The following GPCPD1 variants were observed in gnomAD, a reference collection of about 807,000 sequenced individuals.
The protein encoded by GPCPD1 is glycerophosphocholine phosphodiesterase 1, also known as glycerophosphocholine phosphodiesterase GPCPD1.
GPCPD1 carries 29 observed loss-of-function variants against 89.2 expected under a neutral mutation model. The observed-to-expected ratio is 0.33, with a 90% confidence interval of 0.24 to 0.44. The LOEUF (loss-of-function observed/expected upper bound fraction) is 0.44, where lower values mean the gene tolerates loss of function less well. Ranked by LOEUF, GPCPD1 falls within the 20% of genes least tolerant of loss-of-function variation. GPCPD1 has a pLI of 1.00. For missense variants in GPCPD1, 594 were observed against 808.9 expected (o/e 0.73, Z 3.22); for synonymous variants, 258 against 266.3 (o/e 0.97, Z 0.30).
chr20:5,590,127 C>G (rs991202884), intron 4 of GPCPD1, among the ~76,000 whole-genome samples: 9 of 152,104 alleles, frequency 5.9e-5, no homozygotes, highest in African/African-American at 2.2e-4. Flanking sequence ...AACAAATCAC[C>G]AAGCAAAATT....
At chr20:5,574,201 C>T in intron 10 of GPCPD1, 2 of 531,690 alleles carry the variant, frequency 3.8e-6, no homozygotes, top group Non-Finnish European at 6.7e-6. Flanking sequence ...GCCAACACAA[C>T]ATGCACTTGC....
intron 19 of GPCPD1, chr20:5,549,495 G>T: frequency 8.5e-7 from 1 of 1,174,908 alleles, no homozygotes; most frequent in Non-Finnish European, 1.2e-6. Flanking sequence ...GACACCTTCT[G>T]AGTATTCTTC....
intron 15 of GPCPD1, among the ~76,000 whole-genome samples, chr20:5,564,611 T>TTTG (rs1986276540): frequency 6.6e-6 from 1 of 152,122 alleles, no homozygotes; most frequent in Admixed American, 6.6e-5. Flanking sequence ...GGGGACAGCG[T>TTTG]AAGTCCAGAG....
At chr20:5,576,591 AT>A (rs1978289573) in intron 8 of GPCPD1, among the ~76,000 whole-genome samples, 1 of 152,162 alleles carries the variant, frequency 6.6e-6, no homozygotes, top group Non-Finnish European at 1.5e-5. Flanking sequence ...ATTTTAAAAT[AT>A]ATATTTTTTT....
At chr20:5,548,601 C>T (rs1292898805) in intron 19 of GPCPD1, among the ~76,000 whole-genome samples, 1 of 152,198 alleles carries the variant, frequency 6.6e-6, no homozygotes, top group Non-Finnish European at 1.5e-5. Context: ...ACAGAAGCAT[C>T]TAACTTCGTT....
At position 5,586,234 on chromosome 20, in the gene GPCPD1, C is replaced by T; in HGVS notation, c.267G>A (p.Lys89=). Residue 89 remains lysine (K), a synonymous_variant, in exon 5 of 20, where the codon AAG becomes AAA. Coordinates refer to ENST00000379019, the MANE Select transcript of GPCPD1 (RefSeq NM_019593.5). The part of the protein sequence containing the change: ...IGGPCQVIVH[K]WETHLQPRSI... Reference sequence around the variant, plus strand: ...ATCGTGGTTGTAGATGAGTCTCCCACTTGTGAACTATCACTTGACATGGAC... The same window carrying T: ...ATCGTGGTTGTAGATGAGTCTCCCATTTGTGAACTATCACTTGACATGGAC... The T allele has an allele frequency of 1.2e-6, 2 of 1,600,174 alleles. No individual in the cohort carries two copies. The highest frequency in any genetic ancestry group is 1.1e-5 in the South Asian group (1 of 90,792).
At chr20:5,602,690 T>C (rs1203561563) in intron 2 of GPCPD1, among the ~76,000 whole-genome samples, 1 of 152,190 alleles carries the variant, frequency 6.6e-6, no homozygotes, top group Non-Finnish European at 1.5e-5. Flanking sequence ...GACAAGGTCA[T>C]ATTTTGACCA....
At chr20:5,557,049 C>A (rs999374327) in intron 19 of GPCPD1, among the ~76,000 whole-genome samples, 1 of 152,166 alleles carries the variant, frequency 6.6e-6, no homozygotes, top group Non-Finnish European at 1.5e-5. Context: ...TAAATTGTTA[C>A]GGAAGTCTTT....
At chr20:5,565,303 T>C (rs763765067) in intron 14 of GPCPD1, among the ~76,000 whole-genome samples, 2 of 152,070 alleles carry the variant, frequency 1.3e-5, no homozygotes, top group South Asian at 2.1e-4. Context: ...CATTGCTCAA[T>C]GTAGCCTCAA....
intron 14 of GPCPD1, 44 bp from the exon 15 acceptor site, chr20:5,565,122 A>G (rs774694774): frequency 1.4e-5 from 13 of 949,528 alleles, no homozygotes; most frequent in Non-Finnish European, 1.9e-5. Context: ...AAATGCCACT[A>G]TATCACTAAG....
intron 3 of GPCPD1, among the ~76,000 whole-genome samples, chr20:5,597,261 G>A (rs1179357090): frequency 3.9e-5 from 6 of 152,122 alleles, no homozygotes; most frequent in Non-Finnish European, 7.4e-5. Context: ...CTTTCTCCTA[G>A]CTTACATTAC....
chr20:5,558,180 G>T, intron 18 of GPCPD1, 75 bp from the exon 19 acceptor site: 1 of 846,832 alleles, frequency 1.2e-6, no homozygotes, highest in Non-Finnish European at 1.9e-6. Flanking sequence ...CTCTAAATCA[G>T]TGCTCTCCAA....
At chr20:5,553,846 A>G (rs1223745063) in intron 19 of GPCPD1, among the ~76,000 whole-genome samples, 1 of 152,252 alleles carries the variant, frequency 6.6e-6, no homozygotes, top group African/African-American at 2.4e-5. Flanking sequence ...AGGAAAAAGA[A>G]GCTGTCTCCA....
rs747843811 is a variant in GPCPD1 at position 5,598,833 on chromosome 20, GAACA to G, written c.50-16_50-13del. ...CGCAAAAACTTCTCCTAAAGAAACA[GAACA>G]ATCAGTCACAGAGAAACAGAACAAT... is the stretch of plus-strand genomic sequence containing the variant. On this transcript the variant is annotated splice_polypyrimidine_tract_variant and intron_variant, in intron 2 of 19. Transcript: ENST00000379019. 109 of 1,527,484 alleles carry G rather than the reference GAACA, an allele frequency of 7.1e-5. No homozygotes were observed. The highest frequency in any genetic ancestry group is 1.7e-4 in the Middle Eastern group (1 of 5,938). 94.6% of individuals were successfully genotyped at this position (1,527,484 alleles called of 1,614,324 possible).
At chr20:5,596,297 C>A (rs1046276438) in intron 3 of GPCPD1, among the ~76,000 whole-genome samples, 1 of 152,022 alleles carries the variant, frequency 6.6e-6, no homozygotes, top group African/African-American at 2.4e-5. Context: ...GAGGCTGAGG[C>A]AGGAAGATCA....
chr20:5,590,332 G>C (rs6085220), intron 4 of GPCPD1, among the ~76,000 whole-genome samples: 1 of 151,836 alleles, frequency 6.6e-6, no homozygotes, highest in Admixed American at 6.6e-5. Flanking sequence ...CCTGAGGTCA[G>C]GAGTTTGAGA....
intron 3 of GPCPD1, among the ~76,000 whole-genome samples, chr20:5,594,507 T>G (rs1331041720): frequency 6.6e-6 from 1 of 152,090 alleles, no homozygotes; most frequent in Non-Finnish European, 1.5e-5. Context: ...TTAGCCAGGA[T>G]GGTTTCGATC....
intron 1 of GPCPD1, among the ~76,000 whole-genome samples, chr20:5,604,981 A>C (rs1033156647): frequency 6.6e-6 from 1 of 152,120 alleles, no homozygotes; most frequent in African/African-American, 2.4e-5. Context: ...AGTCTCAATA[A>C]AGTTTTTTTA....
At chr20:5,548,262 C>T (rs553235552) in intron 19 of GPCPD1, 7 of 154,004 alleles carry the variant, frequency 4.5e-5, no homozygotes, top group African/African-American at 1.2e-4. Context: ...TGCTTACCAG[C>T]GTGGGAACTA....
Sources: gnomAD v4.1 joint callset for allele counts (sites outside exome capture counted in the v4.1 genomes callset) on GRCh38, gnomAD v4.1.1 for gene constraint, MANE v1.5 for transcripts, NCBI Gene and HGNC (gene_info 2026-07-23, HGNC 2026-07-21) for gene names.